RGS6: variants seen among roughly 807,000 people sequenced by gnomAD.
The protein encoded by RGS6 is regulator of G protein signaling 6, also known as regulator of G-protein signaling 6.
A neutral mutation model predicts 78.5 loss-of-function variants in RGS6; 30 were observed. That is an observed-to-expected ratio of 0.38 (90% CI 0.29 to 0.52). The LOEUF (loss-of-function observed/expected upper bound fraction) is 0.52. Among genes scored for constraint, RGS6 ranks in the 20% least tolerant of loss-of-function variants. The probability of loss-of-function intolerance (pLI) is 0.85; values close to 1 mark genes in which losing one functional copy is unlikely to be tolerated. For synonymous variants in RGS6, 206 were observed against 206.0 expected (o/e 1.00, Z 0.00); for missense variants, 495 against 609.7 (o/e 0.81, Z 1.98).
At chr14:71,998,182 G>A (rs1287981201) in intron 2 of RGS6, among the ~76,000 whole-genome samples, 1 of 152,190 alleles carries the variant, frequency 6.6e-6, no homozygotes, top group East Asian at 1.9e-4. Context: ...GAGCTTCCAG[G>A]TCATAGATAG....
At chr14:72,562,368 C>T (rs1351198542) in intron 17 of RGS6, 49 bp from the exon 18 acceptor site, 1 of 1,572,936 alleles carries the variant, frequency 6.4e-7, no homozygotes, top group Non-Finnish European at 8.7e-7. Context: ...TGTCTCTGTC[C>T]CTCTGTGTGT....
At chr14:71,989,133 C>G (rs1413261626) in intron 2 of RGS6, among the ~76,000 whole-genome samples, 1 of 152,230 alleles carries the variant, frequency 6.6e-6, no homozygotes, top group Non-Finnish European at 1.5e-5. Flanking sequence ...AGGCATTGGG[C>G]CAGTGCTTTG....
chr14:72,053,057 C>CTCCCTTCCCTCCCTTCCCTCCCT (rs1596678115), intron 2 of RGS6, among the ~76,000 whole-genome samples: 2 of 14,396 alleles, frequency 1.4e-4, no homozygotes, highest in Admixed American at 1.8e-3. Context: ...CCCTCCCTCC[C>CTCCCTTCCCTCCCTTCCCTCCCT]TCCCTCCCTC....
At chr14:72,022,057 A>C (rs534933715) in intron 2 of RGS6, among the ~76,000 whole-genome samples, 12 of 152,304 alleles carry the variant, frequency 7.9e-5, no homozygotes, top group African/African-American at 2.9e-4. Context: ...TAGTTTGCTA[A>C]GGAAAATAGC....
At chr14:71,871,378 A>G in the RGS6 span, among the ~76,000 whole-genome samples, 1 of 152,212 alleles carries the variant, frequency 6.6e-6, no homozygotes, top group Admixed American at 6.5e-5. Flanking sequence ...CCGAGGTTAC[A>G]TAAATCTCCT....
intron 2 of RGS6, among the ~76,000 whole-genome samples, chr14:72,034,788 G>T (rs1437414624): frequency 1.3e-5 from 2 of 152,072 alleles, no homozygotes; most frequent in Non-Finnish European, 1.5e-5. Flanking sequence ...AAACCATCTG[G>T]TCCGGGGCTT....
At chr14:72,048,814 A>T (rs1213808234) in intron 2 of RGS6, among the ~76,000 whole-genome samples, 1 of 152,102 alleles carries the variant, frequency 6.6e-6, no homozygotes, top group African/African-American at 2.4e-5. Flanking sequence ...GTACATAGCC[A>T]TTGCAGTAAT....
rs564245878 is a variant in RGS6 at position 72,078,997 on chromosome 14, T to G, written c.84+114122T>G. Among the ~76,000 whole-genome samples, 3 of 152,298 alleles carry G rather than the reference T, an allele frequency of 2.0e-5. No homozygotes were observed. In the East Asian group the frequency reaches 5.8e-4, roughly 29 times the overall value. ...TTAACTCAGTTAAATATATCTATTT[T>G]GCCAATGCTCATCTTCCTATTTTTA... On this transcript the variant is annotated intron_variant, in intron 2 of 17. Coordinates refer to ENST00000553525, the MANE Select transcript of RGS6 (RefSeq NM_001204424.2).
chr14:72,249,807 A>G (rs12895275), intron 2 of RGS6, among the ~76,000 whole-genome samples: 4,535 of 152,192 alleles, frequency 0.03, 87 homozygotes, highest in Middle Eastern at 0.054. Flanking sequence ...TTATTGCGGC[A>G]TTATTCACAA....
At chr14:72,151,045 A>G (rs2096678266) in intron 2 of RGS6, among the ~76,000 whole-genome samples, 1 of 152,230 alleles carries the variant, frequency 6.6e-6, no homozygotes, top group Admixed American at 6.5e-5. Context: ...GGAGCTAAGG[A>G]GAGTGAGTGG....
chr14:72,566,144 T>C lies in RGS6; in HGVS notation c.*3677T>C, dbSNP rs2097709399. On this transcript the variant is annotated 3_prime_UTR_variant, in exon 18 of 18. Transcript: ENST00000553525. Reference sequence around the variant, plus strand: ...GCAACAGCAGATGCCAGCAACCTACTCATTAGTACCACCCAGTGATAAGGC... The same window carrying C: ...GCAACAGCAGATGCCAGCAACCTACCCATTAGTACCACCCAGTGATAAGGC... The C allele has an allele frequency of 6.6e-6, 1 of 152,114 alleles. No individual in the cohort carries two copies. The highest frequency in any genetic ancestry group is 2.4e-5 in the African/African-American group (1 of 41,412). 9.4% of individuals were successfully genotyped at this position (152,114 alleles called of 1,614,324 possible). A position where few individuals can be genotyped will look rare whatever the true frequency, so the allele number is the denominator to read the frequency against.
chr14:71,877,999 A>C, the RGS6 span, among the ~76,000 whole-genome samples: 15 of 152,264 alleles, frequency 9.9e-5, no homozygotes, highest in African/African-American at 3.6e-4. Context: ...CAGAACCACA[A>C]ATATTGCAGA....
intron 1 of RGS6, among the ~76,000 whole-genome samples, chr14:71,950,009 A>G (rs372243038): frequency 6.6e-6 from 1 of 152,082 alleles, no homozygotes; most frequent in East Asian, 1.9e-4. Context: ...TTTCTAGTCC[A>G]TTCCATTTTT....
intron 2 of RGS6, among the ~76,000 whole-genome samples, chr14:72,038,052 C>G (rs910560437): frequency 2.2e-4 from 33 of 151,836 alleles, no homozygotes; most frequent in African/African-American, 8.0e-4. Flanking sequence ...TCACTGCAAC[C>G]TCTGCCTCCC....
At chr14:72,088,375 C>T (rs1419691611) in intron 2 of RGS6, among the ~76,000 whole-genome samples, 3 of 152,162 alleles carry the variant, frequency 2.0e-5, no homozygotes, top group African/African-American at 7.2e-5. Flanking sequence ...TCTTGCCTTG[C>T]GCCGATTGCT....
In RGS6 at chr14:72,346,499, C is replaced by T. The variant is rs527575987; in HGVS notation, c.85-5596C>T. On this transcript the variant is annotated intron_variant, in intron 2 of 17. Coordinates refer to ENST00000553525, the MANE Select transcript of RGS6 (RefSeq NM_001204424.2). The stretch of plus-strand genomic sequence containing the variant: ...CCCAACATGCTTCCCCTACCTTGCA[C>T]CTCTTAGTGCAGAGACATGTTCTGT... 5.0e-4 allele frequency among the ~76,000 whole-genome samples: 76 copies of T among 152,296 alleles called. 1 individual carries two copies. Among genetic ancestry groups the T allele is most frequent in the African/African-American group, 1.8e-3 (74 of 41,566 alleles).
intron 2 of RGS6, among the ~76,000 whole-genome samples, chr14:72,110,493 A>G (rs1003647536): frequency 1.3e-5 from 2 of 152,304 alleles, no homozygotes; most frequent in African/African-American, 4.8e-5. Flanking sequence ...CTCTCGGCAG[A>G]AAGTCTACTG....
At chr14:71,934,967 T>C (rs1293378867) in intron 1 of RGS6, among the ~76,000 whole-genome samples, 1 of 152,206 alleles carries the variant, frequency 6.6e-6, no homozygotes, top group African/African-American at 2.4e-5. Context: ...GAGATCTCAA[T>C]ACCGGGATTA....
At chr14:72,194,414 A>G (rs548709504) in intron 2 of RGS6, among the ~76,000 whole-genome samples, 3 of 152,180 alleles carry the variant, frequency 2.0e-5, no homozygotes, top group Admixed American at 6.5e-5. Flanking sequence ...TCTGTTGCCC[A>G]GGCTGGAGTG....
Sources: gnomAD v4.1 joint callset for allele counts (sites outside exome capture counted in the v4.1 genomes callset) on GRCh38, gnomAD v4.1.1 for gene constraint, MANE v1.5 for transcripts, NCBI Gene and HGNC (gene_info 2026-07-23, HGNC 2026-07-21) for gene names.